PARD3B: variants seen among roughly 807,000 people sequenced by gnomAD.
The protein encoded by PARD3B is partitioning defective 3 homolog B.
PARD3B carries 103 observed loss-of-function variants against 130.2 expected under a neutral mutation model. The ratio of observed to expected loss-of-function variants is 0.79; its 90% CI spans 0.67 to 0.93. The LOEUF (loss-of-function observed/expected upper bound fraction) is 0.93, where lower values mean the gene tolerates loss of function less well. Among genes scored for constraint, PARD3B ranks in the 40% least tolerant of loss-of-function variants. PARD3B has a pLI of 0.00. For missense variants in PARD3B, 1,609 were observed against 1,499.2 expected, an observed-to-expected ratio of 1.07 and a Z score of -1.21; for synonymous variants, 583 against 553.2, an observed-to-expected ratio of 1.05 and a Z score of -0.76.
chr2:205,334,796 T>C (rs181582047), intron 18 of PARD3B, among the ~76,000 whole-genome samples: 89 of 152,306 alleles, frequency 5.8e-4, no homozygotes, highest in African/African-American at 2.1e-3. Context: ...TCCTGCAAAA[T>C]GTTAATCCTC....
At chr2:205,329,747 G>C (rs2043047888) in intron 18 of PARD3B, among the ~76,000 whole-genome samples, 1 of 152,138 alleles carries the variant, frequency 6.6e-6, no homozygotes, top group Non-Finnish European at 1.5e-5. Context: ...TCCTAGCATT[G>C]TGGGAGGCAG....
At chr2:205,072,253 T>C (rs866818871) in intron 4 of PARD3B, among the ~76,000 whole-genome samples, 11 of 151,928 alleles carry the variant, frequency 7.2e-5, no homozygotes, top group South Asian at 2.1e-4. Context: ...TTTTTTTTTT[T>C]TTCTTCTTTG....
chr2:205,399,038 G>A (rs2106004991), intron 18 of PARD3B, among the ~76,000 whole-genome samples: 1 of 152,244 alleles, frequency 6.6e-6, no homozygotes, highest in African/African-American at 2.4e-5. Flanking sequence ...GGAGGCTAAG[G>A]AGGGCAGATC....
At position 204,887,324 on chromosome 2, in the gene PARD3B, C is replaced by G. The variant is rs1342230478; in HGVS notation, c.223-77828C>G. Among the ~76,000 whole-genome samples, 1 of 152,108 alleles carries G rather than the reference C, an allele frequency of 6.6e-6. No individual in the cohort carries two copies. Among genetic ancestry groups the G allele is most frequent in the African/African-American group, 2.4e-5 (1 of 41,430 alleles). ...CTATTTTGGAAGCTGAGTCACTTGC[C>G]ACCTGCATATATCTTTGTTTAAAAA... On this transcript the variant is annotated intron_variant, in intron 2 of 22. Coordinates refer to ENST00000406610, the MANE Select transcript of PARD3B (RefSeq NM_001302769.2). The surrounding 1 kb of genome is among the most constrained non-coding windows in gnomAD (Gnocchi z 4.2).
chr2:205,400,666 A>G (rs966160274), intron 18 of PARD3B, among the ~76,000 whole-genome samples: 2 of 151,994 alleles, frequency 1.3e-5, no homozygotes, highest in African/African-American at 4.8e-5. Context: ...AAAACTAAAG[A>G]AAGTCCTACC....
At chr2:204,877,199 C>T (rs2045879242) in intron 2 of PARD3B, among the ~76,000 whole-genome samples, 1 of 151,984 alleles carries the variant, frequency 6.6e-6, no homozygotes, top group Non-Finnish European at 1.5e-5. Flanking sequence ...ACAATGAGAA[C>T]ACTTGGACAC....
At chr2:204,611,787 C>A (rs1002425052) in intron 1 of PARD3B, among the ~76,000 whole-genome samples, 1 of 152,124 alleles carries the variant, frequency 6.6e-6, no homozygotes, top group Non-Finnish European at 1.5e-5. Flanking sequence ...TTGCGTACAT[C>A]CCATATCTAA....
chr2:205,132,576 A>G (rs972432658), intron 10 of PARD3B, among the ~76,000 whole-genome samples: 2 of 152,136 alleles, frequency 1.3e-5, no homozygotes, highest in Non-Finnish European at 2.9e-5. Flanking sequence ...ATGGAACCTT[A>G]CGCAGCTTTC....
At chr2:205,364,631 G>A (rs867230758) in intron 18 of PARD3B, among the ~76,000 whole-genome samples, 1 of 152,122 alleles carries the variant, frequency 6.6e-6, no homozygotes, top group African/African-American at 2.4e-5. Flanking sequence ...ACAAGGCAGG[G>A]TGTGATTTTT....
intron 2 of PARD3B, among the ~76,000 whole-genome samples, chr2:204,778,186 T>C (rs191216598): frequency 1.3e-5 from 2 of 151,696 alleles, no homozygotes; most frequent in East Asian, 3.9e-4. Context: ...TGTTCCTCTA[T>C]ATTCTGCTTC....
intron 2 of PARD3B, among the ~76,000 whole-genome samples, chr2:204,733,582 A>C (rs1399420499): frequency 6.6e-6 from 1 of 151,940 alleles, no homozygotes; most frequent in Non-Finnish European, 1.5e-5. Context: ...GAATAGTAAA[A>C]ACATTTCTGG....
chr2:204,956,370 T>C (rs7566898), intron 2 of PARD3B, among the ~76,000 whole-genome samples: 21,185 of 152,240 alleles, frequency 0.14, 1,532 homozygotes, highest in Non-Finnish European at 0.16. Context: ...TGTAAATGTA[T>C]GTAGTGCTTT....
chr2:204,868,200 A>G (rs2045499506), intron 2 of PARD3B, among the ~76,000 whole-genome samples: 1 of 152,190 alleles, frequency 6.6e-6, no homozygotes, highest in South Asian at 2.1e-4. Context: ...ACTGTGCTTA[A>G]CTGTCAGTGA....
intron 16 of PARD3B, among the ~76,000 whole-genome samples, chr2:205,252,841 C>A (rs1290914803): frequency 9.0e-6 from 1 of 111,680 alleles, no homozygotes; most frequent in African/African-American, 3.0e-5. Flanking sequence ...TGAAGGGACC[C>A]CCCCCCCCCA....
Position 204,686,234 on chromosome 2 carries a change from C to T in PARD3B, c.174C>T (p.Ile58=). ...ACTTAGAATATACAGATGGAGGAAT[C>T]CTGGATCCAGATGATGTCTTGGCAG... The part of the protein sequence containing the change: ...IHHLEYTDGG[I]LDPDDVLADV... The change falls in exon 2 of 23, where the codon ATC becomes ATT. Residue 58 remains isoleucine, a synonymous_variant. Transcript: ENST00000406610. The T allele has an allele frequency of 1.2e-6, 2 of 1,612,808 alleles. No homozygotes were observed. Among genetic ancestry groups the T allele is most frequent in the Non-Finnish European group, 1.7e-6 (2 of 1,179,056 alleles).
intron 2 of PARD3B, among the ~76,000 whole-genome samples, chr2:204,823,566 G>A (rs2043449837): frequency 6.6e-6 from 1 of 152,068 alleles, no homozygotes; most frequent in African/African-American, 2.4e-5. Flanking sequence ...TGAGATGCTT[G>A]TGGATGCATA....
At chr2:205,247,603 G>C (rs752940300) in intron 16 of PARD3B, among the ~76,000 whole-genome samples, 4 of 152,128 alleles carry the variant, frequency 2.6e-5, no homozygotes, top group African/African-American at 7.2e-5. Context: ...TTACTAATTA[G>C]TACTGTTATT....
intron 22 of PARD3B, among the ~76,000 whole-genome samples, chr2:205,574,714 A>C (rs1356028415): frequency 1.3e-5 from 2 of 152,122 alleles, no homozygotes; most frequent in Non-Finnish European, 2.9e-5. Context: ...CTTCACAGTT[A>C]AAGAGTTCAA....
At chr2:205,437,066 C>G (rs2047543064) in intron 19 of PARD3B, among the ~76,000 whole-genome samples, 1 of 152,116 alleles carries the variant, frequency 6.6e-6, no homozygotes, top group African/African-American at 2.4e-5. Context: ...GACTGTACCC[C>G]TCTAGACTCC....
Sources: allele counts gnomAD v4.1 joint callset (sites outside exome capture counted in the v4.1 genomes callset), GRCh38; gene constraint gnomAD v4.1.1; non-coding constraint Gnocchi (gnomAD v3.1); transcripts MANE v1.5; gene names NCBI Gene and HGNC (gene_info 2026-07-23, HGNC 2026-07-21).